HIBCH: variants seen among roughly 807,000 people sequenced by gnomAD.
HIBCH encodes 3-hydroxyisobutyryl-CoA hydrolase, mitochondrial.
HIBCH carries 50 observed loss-of-function variants against 58.2 expected under a neutral mutation model. That is an observed-to-expected ratio of 0.86 (90% CI 0.68 to 1.09). HIBCH has a LOEUF of 1.09. Among genes scored for constraint, HIBCH ranks in the 50% least tolerant of loss-of-function variants. The pLI is 0.00. For synonymous variants in HIBCH, 151 were observed against 146.9 expected (o/e 1.03, Z -0.20); for missense variants, 450 against 449.7 (o/e 1.00, Z -0.01).
downstream of HIBCH, chr2:190,199,558 C>A (rs1690145457): frequency 3.4e-6 from 1 of 295,940 alleles, no homozygotes; most frequent in Non-Finnish European, 5.9e-6. Context: ...TTTTCTTCTA[C>A]TGATAAGATA....
At chr2:190,250,077 A>T (rs1255931296) in intron 8 of HIBCH, among the ~76,000 whole-genome samples, 1 of 152,210 alleles carries the variant, frequency 6.6e-6, no homozygotes, top group African/African-American at 2.4e-5. Context: ...GCTACCACAG[A>T]CAATGCACAA....
At chr2:190,284,970 G>A (rs1412587166) in intron 6 of HIBCH, among the ~76,000 whole-genome samples, 1 of 152,028 alleles carries the variant, frequency 6.6e-6, no homozygotes, top group Non-Finnish European at 1.5e-5. Flanking sequence ...TCACTCCTTT[G>A]TTGGGTTCCC....
intron 1 of HIBCH, among the ~76,000 whole-genome samples, chr2:190,191,990 TTC>T (rs1415306619): frequency 6.6e-6 from 1 of 152,196 alleles, no homozygotes; most frequent in Non-Finnish European, 1.5e-5. Context: ...ACCAGTTTTT[TTC>T]TTTCATGGTT....
chr2:190,212,168 T>C lies in HIBCH; in HGVS notation c.1011+788A>G, dbSNP rs73981009. Among the ~76,000 whole-genome samples the C allele has an allele frequency of 2.1e-3, 315 of 152,350 alleles. 1 individual carries two copies. Among genetic ancestry groups the C allele is most frequent in the African/African-American group, 6.9e-3 (289 of 41,592 alleles). ...AAGTGCCTAGCGTAGTACCTGCACA[T>C]AATAAACAATAGACGTCAGCTGCCA... is the stretch of plus-strand genomic sequence containing the variant. On this transcript the variant is annotated intron_variant, in intron 12 of 13. Coordinates refer to ENST00000359678, the MANE Select transcript of HIBCH (RefSeq NM_014362.4).
intron 11 of HIBCH, among the ~76,000 whole-genome samples, chr2:190,241,786 T>C (rs1273268156): frequency 6.6e-6 from 1 of 152,212 alleles, no homozygotes; most frequent in Non-Finnish European, 1.5e-5. Flanking sequence ...TGTTGAATAT[T>C]GGCCCCCACT....
At chr2:190,219,316 A>G (rs1685649538) in intron 11 of HIBCH, among the ~76,000 whole-genome samples, 1 of 152,200 alleles carries the variant, frequency 6.6e-6, no homozygotes, top group African/African-American at 2.4e-5. Flanking sequence ...ATTGAAGGAA[A>G]TAACGTATAC....
At chr2:190,285,595 A>G (rs1020440350) in intron 6 of HIBCH, among the ~76,000 whole-genome samples, 2 of 152,160 alleles carry the variant, frequency 1.3e-5, no homozygotes, top group African/African-American at 2.4e-5. Flanking sequence ...CTGTATTCCA[A>G]ATAGTTAAGT....
chr2:190,303,128 A>G (rs949668099), intron 2 of HIBCH, among the ~76,000 whole-genome samples: 3 of 152,234 alleles, frequency 2.0e-5, no homozygotes, highest in African/African-American at 7.2e-5. Context: ...CTATGAACTC[A>G]TGTTTAGTTT....
At chr2:190,225,174 T>G (rs1427668685) in intron 11 of HIBCH, among the ~76,000 whole-genome samples, 1 of 152,050 alleles carries the variant, frequency 6.6e-6, no homozygotes, top group African/African-American at 2.4e-5. Flanking sequence ...GAAGGAAAGA[T>G]CTAAAATTGA....
intron 8 of HIBCH, chr2:190,251,432 C>A: frequency 2.8e-6 from 1 of 359,024 alleles, no homozygotes; most frequent in Non-Finnish European, 5.8e-6. Flanking sequence ...GTGAACCAAA[C>A]CAGGTGAAGC....
In HIBCH at chr2:190,243,964, T is replaced by C. The variant is rs975560091; in HGVS notation, c.891+923A>G. 3.3e-5 allele frequency among the ~76,000 whole-genome samples: 5 copies of C among 152,158 alleles called. No individual in the cohort carries two copies. The highest frequency in any genetic ancestry group is 7.3e-5 in the Non-Finnish European group (5 of 68,030). On this transcript the variant is annotated intron_variant, in intron 11 of 13. Transcript: ENST00000359678. This position sits in a 1 kb window ranked among gnomAD's most constrained non-coding sequence, Gnocchi z 4.1. ...CAGCCTGGGGAACAGGGCAAGATTC[T>C]GTCTCAAAAAAACGAAAACAAAAAA...
At chr2:190,224,503 G>A (rs1207043790) in intron 11 of HIBCH, among the ~76,000 whole-genome samples, 1 of 152,110 alleles carries the variant, frequency 6.6e-6, no homozygotes, top group Admixed American at 6.6e-5. Context: ...TGATAAAACA[G>A]ACTTTAAACC....
intron 1 of HIBCH, among the ~76,000 whole-genome samples, chr2:190,317,693 C>T (rs1688738533): frequency 6.6e-6 from 1 of 152,126 alleles, no homozygotes; most frequent in Non-Finnish European, 1.5e-5. Context: ...AACCTGAATC[C>T]ACAGGAAGAG....
At chr2:190,226,176 C>T (rs981282086) in intron 11 of HIBCH, among the ~76,000 whole-genome samples, 33 of 152,206 alleles carry the variant, frequency 2.2e-4, no homozygotes, top group African/African-American at 7.2e-4. Flanking sequence ...AAACTGGAAG[C>T]ATTCCCTTAT....
rs1053356709 is a variant in HIBCH, at chr2:190,236,367, T to C, written c.891+8520A>G. Among the ~76,000 whole-genome samples the C allele has an allele frequency of 6.9e-6, 1 of 145,956 alleles. No homozygotes were observed. Among genetic ancestry groups the C allele is most frequent in the Admixed American group, 6.8e-5 (1 of 14,638 alleles). On this transcript the variant is annotated intron_variant, in intron 11 of 13. Transcript: ENST00000359678. The surrounding 1 kb of genome is among the most constrained non-coding windows in gnomAD (Gnocchi z 4.1). ...AAAGCTCTATTATACTCTGTTAGTT[T>C]TTAATTTTTTAAGCTAGTTTAAATC...
intron 11 of HIBCH, among the ~76,000 whole-genome samples, chr2:190,229,141 A>T (rs2105918057): frequency 1.3e-5 from 2 of 152,316 alleles, no homozygotes; most frequent in Middle Eastern, 6.8e-3. Flanking sequence ...TTTCCTATGT[A>T]TCTCCTATTG....
rs1456846238 is a variant in HIBCH at position 190,315,137 on chromosome 2, C to T, written c.36-4341G>A. Among the ~76,000 whole-genome samples, 18 of 152,008 alleles carry T rather than the reference C, an allele frequency of 1.2e-4. No homozygotes were observed. Among genetic ancestry groups the T allele is most frequent in the African/African-American group, 3.9e-4 (16 of 41,464 alleles). On this transcript the variant is annotated intron_variant, in intron 1 of 13. Coordinates refer to ENST00000359678, the MANE Select transcript of HIBCH (RefSeq NM_014362.4). The surrounding 1 kb of genome is among the most constrained non-coding windows in gnomAD (Gnocchi z 5.4). The stretch of plus-strand genomic sequence containing the variant: ...TAATTTTTTGTATTTTTAGTAGAAA[C>T]GGGGTTTCACCATGTTAGCCAGCAT...
intron 6 of HIBCH, among the ~76,000 whole-genome samples, chr2:190,269,320 T>C (rs1559044382): frequency 6.6e-6 from 1 of 152,114 alleles, no homozygotes; most frequent in Non-Finnish European, 1.5e-5. Flanking sequence ...GAGAAAACTT[T>C]TGCAAGCTAT....
At chr2:190,240,468 G>A (rs1357927071) in intron 11 of HIBCH, among the ~76,000 whole-genome samples, 1 of 152,024 alleles carries the variant, frequency 6.6e-6, no homozygotes, top group Non-Finnish European at 1.5e-5. Flanking sequence ...TTTTTTTGAA[G>A]TGTTTTTTTT....
Sources: allele counts gnomAD v4.1 joint callset (sites outside exome capture counted in the v4.1 genomes callset), GRCh38; gene constraint gnomAD v4.1.1; non-coding constraint Gnocchi (gnomAD v3.1); transcripts MANE v1.5; gene names NCBI Gene and HGNC (gene_info 2026-07-23, HGNC 2026-07-21).